Variants in PLPPR4 observed in about 807,000 individuals in gnomAD.
The protein encoded by PLPPR4 is phospholipid phosphatase related 4.
PLPPR4 carries 24 observed loss-of-function variants against 56.6 expected under a neutral mutation model. The ratio of observed to expected loss-of-function variants is 0.42; its 90% confidence interval spans 0.31 to 0.60. PLPPR4 has a LOEUF of 0.60. Ranked by LOEUF, PLPPR4 falls within the 20% of genes least tolerant of loss-of-function variation. PLPPR4 has a pLI of 0.13. For synonymous variants in PLPPR4, 326 were observed against 328.1 expected, an observed-to-expected ratio of 0.99 and a Z score of 0.07; for missense variants, 654 against 885.8, an observed-to-expected ratio of 0.74 and a Z score of 3.32.
upstream of PLPPR4, chr1:99,264,213 C>T (rs1387573759): frequency 2.2e-5 from 12 of 534,114 alleles, no homozygotes; most frequent in Admixed American, 3.7e-5. Flanking sequence ...TCCTCCTTTT[C>T]GGATTCTTGA....
chr1:99,267,752 C>A (rs940741472), intron 1 of PLPPR4, among the ~76,000 whole-genome samples: 13 of 152,072 alleles, frequency 8.5e-5, no homozygotes, highest in African/African-American at 3.1e-4. Context: ...TCATCTTCTC[C>A]CCAATTTCTA....
chr1:99,291,245 C>A (rs913681981), intron 2 of PLPPR4, among the ~76,000 whole-genome samples: 1 of 152,148 alleles, frequency 6.6e-6, no homozygotes, highest in African/African-American at 2.4e-5. Context: ...GACATACTAT[C>A]TCACACCAGT....
chr1:99,280,954 T>C (rs542883150), intron 1 of PLPPR4, among the ~76,000 whole-genome samples: 2 of 152,256 alleles, frequency 1.3e-5, no homozygotes, highest in African/African-American at 2.4e-5. Flanking sequence ...TGGGGCACCA[T>C]TAAATGCATG....
At chr1:99,273,041 G>T (rs1406111077) in intron 1 of PLPPR4, among the ~76,000 whole-genome samples, 2 of 152,072 alleles carry the variant, frequency 1.3e-5, no homozygotes, top group African/African-American at 4.8e-5. Context: ...AATTAGCTGA[G>T]AAATGTATTT....
At chr1:99,300,062 G>T (rs1023734524) in intron 4 of PLPPR4, among the ~76,000 whole-genome samples, 3 of 151,852 alleles carry the variant, frequency 2.0e-5, no homozygotes, top group African/African-American at 4.8e-5. Context: ...ACACATTAAG[G>T]TTCTCATGTA....
Position 99,306,069 on chromosome 1 carries a change from T to G in PLPPR4, c.1207T>G (p.Trp403Gly). 6.2e-7 allele frequency: 1 copy of G among 1,613,818 alleles called. No homozygotes were observed. The highest frequency in any genetic ancestry group is 8.5e-7 in the Non-Finnish European group (1 of 1,179,958). ...TCGATCAAAGCAGCTCCTCACCCAGTGGAAGAATAAGAATGAAAGTCGAAA... is the reference window on the plus strand; with the variant it reads ...TCGATCAAAGCAGCTCCTCACCCAGGGGAAGAATAAGAATGAAAGTCGAAA... ...SARSKQLLTQ[W>G]KNKNESRKLS... The change falls in exon 7 of 7, where the codon TGG becomes GGG. Residue 403 changes from tryptophan to glycine, a missense_variant. Physicochemically the swap from Trp to Gly is radical, Grantham distance 184. This residue lies in a region of PLPPR4 where 468 missense variants were observed against 554.3 expected (regional missense o/e 0.84). Coordinates refer to ENST00000370185, the MANE Select transcript of PLPPR4 (RefSeq NM_014839.5). This position sits in a 1 kb window ranked among gnomAD's most constrained non-coding sequence, Gnocchi z 4.0.
intron 2 of PLPPR4, among the ~76,000 whole-genome samples, chr1:99,294,411 C>T (rs1659691982): frequency 6.6e-6 from 1 of 150,464 alleles, no homozygotes; most frequent in Admixed American, 6.7e-5. Context: ...AAATAAAACT[C>T]TTGGCCGGGC....
chr1:99,299,905 A>C (rs1248982564), intron 4 of PLPPR4, among the ~76,000 whole-genome samples: 1 of 152,058 alleles, frequency 6.6e-6, no homozygotes, highest in East Asian at 1.9e-4. Flanking sequence ...ACAGTCTCAA[A>C]AGAAATAAAT....
Position 99,307,276 on chromosome 1 carries a change from G to A in PLPPR4, c.*266G>A, listed in dbSNP as rs1464982472. ...TCAAACTTAAAAGGTTTTGCAGAGGGCAGTATCAAAAGAAAGTGGTTTTCT... is the reference window on the plus strand; with the variant it reads ...TCAAACTTAAAAGGTTTTGCAGAGGACAGTATCAAAAGAAAGTGGTTTTCT... On this transcript the variant is annotated 3_prime_UTR_variant, in exon 7 of 7. Coordinates refer to ENST00000370185, the MANE Select transcript of PLPPR4 (RefSeq NM_014839.5). 1.4e-5 allele frequency: 6 copies of A among 421,204 alleles called. No homozygotes were observed. The highest frequency in any genetic ancestry group is 8.0e-5 in the African/African-American group (4 of 49,886). The allele number at this position is 421,204 out of a possible 1,614,324, so 26.1% of individuals were successfully genotyped here. A position where few individuals can be genotyped will look rare whatever the true frequency, so the allele number is the denominator to read the frequency against.
upstream of PLPPR4, among the ~76,000 whole-genome samples, chr1:99,263,401 A>G (rs563277841): frequency 6.6e-6 from 1 of 152,276 alleles, no homozygotes; most frequent in South Asian, 2.1e-4. Flanking sequence ...TGAGTATATT[A>G]TTAGATAGGA....
intron 1 of PLPPR4, among the ~76,000 whole-genome samples, chr1:99,270,762 A>T (rs887815260): frequency 1.3e-5 from 2 of 152,216 alleles, no homozygotes; most frequent in Non-Finnish European, 2.9e-5. Context: ...GCATATACCA[A>T]AATAGTAGCT....
chr1:99,273,511 A>T (rs1266531662), intron 1 of PLPPR4, among the ~76,000 whole-genome samples: 1 of 152,108 alleles, frequency 6.6e-6, no homozygotes, highest in Non-Finnish European at 1.5e-5. Flanking sequence ...CTGCCATTTA[A>T]TGAAATCCTA....
chr1:99,296,648 T>C (rs1256213599), intron 2 of PLPPR4, 90 bp from the exon 3 acceptor site: 2 of 1,023,674 alleles, frequency 2.0e-6, no homozygotes, highest in Non-Finnish European at 2.7e-6. Context: ...TGAATTGATA[T>C]GTTAAAAAGT....
In PLPPR4 at chr1:99,306,471, C is replaced by A. The variant is rs1660033726; in HGVS notation, c.1609C>A (p.Gln537Lys). The change falls in exon 7 of 7, where the codon CAG (glutamine) becomes AAG (lysine). Residue 537 changes from glutamine (Q) to lysine (K), a missense_variant. This residue lies in a region of PLPPR4 where 468 missense variants were observed against 554.3 expected (regional missense o/e 0.84). Transcript: ENST00000370185. This position sits in a 1 kb window ranked among gnomAD's most constrained non-coding sequence, Gnocchi z 4.0. Reference sequence around the variant, plus strand: ...CATGCAAGTCATAGCCATGTCCAAGCAGCAGGGTGTCCTCCAAAGCAGCCC... The same window carrying A: ...CATGCAAGTCATAGCCATGTCCAAGAAGCAGGGTGTCCTCCAAAGCAGCCC... ...RIMQVIAMSKQQGVLQSSPKN... is the reference protein window; with the variant it reads ...RIMQVIAMSKKQGVLQSSPKN... The A allele has an allele frequency of 1.2e-6, 2 of 1,614,072 alleles. No individual in the cohort carries two copies. Among genetic ancestry groups the A allele is most frequent in the African/African-American group, 1.3e-5 (1 of 74,936 alleles).
chr1:99,267,852 A>G (rs1658942699), intron 1 of PLPPR4, among the ~76,000 whole-genome samples: 1 of 152,240 alleles, frequency 6.6e-6, no homozygotes, highest in South Asian at 2.1e-4. Flanking sequence ...CAGTTTGTAC[A>G]AGAATAATGA....
Position 99,306,997 on chromosome 1 carries a change from C to T in PLPPR4, c.2135C>T (p.Ala712Val), listed in dbSNP as rs1399952815. 1.3e-6 allele frequency: 2 copies of T among 1,598,082 alleles called. No individual in the cohort carries two copies. The highest frequency in any genetic ancestry group is 2.2e-5 in the East Asian group (1 of 44,806). ...IFYKGTSPTR[A>V]YKD Reference sequence around the variant, plus strand: ...TACAAAGGAACCTCCCCCACACGGGCTTATAAGGATTGAGTGATGTCCATT... The same window carrying T: ...TACAAAGGAACCTCCCCCACACGGGTTTATAAGGATTGAGTGATGTCCATT... Residue 712 changes from alanine to valine, a missense_variant, in exon 7 of 7, where the codon GCT becomes GTT. Ala to Val is a moderately conservative substitution (Grantham distance 64). Around this residue, in one of 2 missense-constraint regions of PLPPR4, gnomAD observed 468 missense variants for 554.3 expected, o/e 0.84. Transcript: ENST00000370185. This position sits in a 1 kb window ranked among gnomAD's most constrained non-coding sequence, Gnocchi z 4.0.
chr1:99,288,105 A>G lies in PLPPR4; in HGVS notation c.219A>G (p.Pro73=), dbSNP rs759142829. 6.2e-6 allele frequency: 10 copies of G among 1,613,790 alleles called. No individual in the cohort carries two copies. The South Asian group carries it at 8.8e-5, about 14-fold the overall frequency. Residue 73 remains proline, a synonymous_variant, in exon 2 of 7, where the codon CCA becomes CCG. Transcript: ENST00000370185. ...TTGAACCAACCCAGGAGGCAATTCC[A>G]TTCCTCATGTTGCTTAGCTTGGCTT... ...PYIEPTQEAI[P]FLMLLSLAFA...
intron 1 of PLPPR4, 99 bp from the exon 2 acceptor site, chr1:99,287,866 G>C (rs1659508587): frequency 1.2e-6 from 1 of 850,252 alleles, no homozygotes; most frequent in Non-Finnish European, 1.9e-6. Flanking sequence ...TCTGGAATCG[G>C]AGAAGAGTAG....
rs755599096 is a variant in PLPPR4 at position 99,264,564 on chromosome 1, G to A, written c.-30G>A. On this transcript the variant is annotated 5_prime_UTR_variant, in exon 1 of 7. Coordinates refer to ENST00000370185, the MANE Select transcript of PLPPR4 (RefSeq NM_014839.5). ...CTGCGCTGTGCACACCTCGCCCGGG[G>A]GAGGACGCAGACCCGGGCAGGCGGC... 6.4e-7 allele frequency: 1 copy of A among 1,550,926 alleles called. No individual in the cohort carries two copies. The highest frequency in any genetic ancestry group is 1.4e-5 in the African/African-American group (1 of 73,126).
Sources: allele counts gnomAD v4.1 joint callset (sites outside exome capture counted in the v4.1 genomes callset), GRCh38; gene constraint gnomAD v4.1.1; regional missense constraint gnomAD v4.1.1; non-coding constraint Gnocchi (gnomAD v3.1); transcripts MANE v1.5; gene names NCBI Gene and HGNC (gene_info 2026-07-23, HGNC 2026-07-21).